The following RGMA variants were observed in gnomAD, a reference collection of about 807,000 sequenced individuals.
RGMA encodes the protein repulsive guidance molecule A.
Under a neutral mutation model 23.2 loss-of-function variants are expected in RGMA, and 10 were observed. The observed-to-expected ratio is 0.43, with a 90% CI of 0.27 to 0.73. The LOEUF is 0.73. Ranked by LOEUF, RGMA falls within the 30% of genes least tolerant of loss-of-function variation. RGMA has a pLI of 0.20. For missense variants in RGMA, 547 were observed against 630.5 expected (o/e 0.87, Z 1.42); for synonymous variants, 308 against 279.3 (o/e 1.10, Z -1.03).
chr15:93,086,270 T>C (rs1247810904), intron 1 of RGMA, among the ~76,000 whole-genome samples: 3 of 152,144 alleles, frequency 2.0e-5, no homozygotes, highest in Non-Finnish European at 2.9e-5. Context: ...CTGTAAGGAG[T>C]AGTGTCATTT....
intron 3 of RGMA, among the ~76,000 whole-genome samples, chr15:93,050,911 G>A (rs887015682): frequency 1.3e-5 from 2 of 152,196 alleles, no homozygotes; most frequent in African/African-American, 4.8e-5. Context: ...TCTCAGGAGG[G>A]CGGGTGGTGG....
At chr15:93,066,076 C>CG (rs1555450100) in intron 2 of RGMA, 3 of 1,518,754 alleles carry the variant, frequency 2.0e-6, no homozygotes, top group Non-Finnish European at 2.7e-6. Flanking sequence ...TGAGGGAGGC[C>CG]GGGGGATGAA....
In RGMA at chr15:93,045,034, G is replaced by C. The variant is rs4299103; in HGVS notation, c.1317C>G (p.Leu439=). 0.44 allele frequency: 705,918 copies of C among 1,597,044 alleles called. 158,632 individuals carry two copies. The highest frequency in any genetic ancestry group is 0.69 in the East Asian group (30,300 of 44,232). The change falls in exon 4 of 4, where the codon CTC becomes CTG. Residue 439 remains leucine (L), a synonymous_variant. Transcript: ENST00000329082. The surrounding 1 kb of genome is among the most constrained non-coding windows in gnomAD (Gnocchi z 6.9). ...PLAPRPLLGA[L]VPLLALLPVF... is the part of the protein sequence containing the mutation. ...CAGGGAGCAGGGCCAGGAGCGGGACGAGGGCGCCCAGGAGGGGCCGGGGGG... is the reference window on the plus strand; with the variant it reads ...CAGGGAGCAGGGCCAGGAGCGGGACCAGGGCGCCCAGGAGGGGCCGGGGGG...
intron 2 of RGMA, among the ~76,000 whole-genome samples, chr15:93,058,415 A>G (rs2055048443): frequency 6.6e-6 from 1 of 152,230 alleles, no homozygotes; most frequent in South Asian, 2.1e-4. Context: ...AAGGGACTGC[A>G]GGCACTGATG....
In RGMA at chr15:93,039,163, C is replaced by A. The variant is rs2054695103; in HGVS notation, c.*5835G>T. On this transcript the variant is annotated 3_prime_UTR_variant, in exon 4 of 4. Transcript: ENST00000329082. ...CTCAAACATTGGACTCCAAGTTCTT[C>A]AGCTTTTGGACTCTTGGACTTACAC... 6.6e-6 allele frequency: 1 copy of A among 152,190 alleles called. No homozygotes were observed. Among genetic ancestry groups the A allele is most frequent in the African/African-American group, 2.4e-5 (1 of 41,436 alleles). 9.4% of individuals were successfully genotyped at this position (152,190 alleles called of 1,614,324 possible).
intron 1 of RGMA, chr15:93,073,688 A>G (rs1799535454): frequency 2.0e-6 from 3 of 1,537,226 alleles, no homozygotes; most frequent in Non-Finnish European, 2.6e-6. Context: ...TCTGGGCAGG[A>G]TGGCTCTCTG....
intron 3 of RGMA, among the ~76,000 whole-genome samples, chr15:93,049,546 G>C (rs1003414812): frequency 6.6e-6 from 1 of 152,212 alleles, no homozygotes; most frequent in African/African-American, 2.4e-5. Flanking sequence ...TGTCCACGTA[G>C]AAAACACTAG....
chr15:93,049,434 T>C (rs1283492453), intron 3 of RGMA, among the ~76,000 whole-genome samples: 1 of 152,150 alleles, frequency 6.6e-6, no homozygotes, highest in Non-Finnish European at 1.5e-5. Context: ...CTCAGTTTCT[T>C]TGTCTGTAAA....
Position 93,045,691 on chromosome 15 carries a change from G to A in RGMA, c.660C>T (p.Phe220=), listed in dbSNP as rs2054814278. 2.5e-6 allele frequency: 4 copies of A among 1,603,394 alleles called. No homozygotes were observed. The highest frequency in any genetic ancestry group is 3.4e-6 in the Non-Finnish European group (4 of 1,179,496). The change falls in exon 4 of 4, where the codon TTC becomes TTT. Residue 220 remains phenylalanine (F), a synonymous_variant. Transcript: ENST00000329082. This position sits in a 1 kb window ranked among gnomAD's most constrained non-coding sequence, Gnocchi z 6.9. The part of the protein sequence containing the change: ...ATATSKLTII[F]KNFQECVDQK... ...GGTCCACACACTCCTGGAAGTTCTT[G>A]AAGATGATGGTGAGCTGCCGGGGAA...
chr15:93,088,502 G>A (rs1016237648), intron 1 of RGMA: 1 of 993,302 alleles, frequency 1.0e-6, no homozygotes, highest in African/African-American at 1.7e-5. Context: ...AGGCAGCTCC[G>A]CAGCCGGGCG....
rs1218621882 is a variant in RGMA at position 93,044,727 on chromosome 15, C to T, written c.*271G>A. The T allele has an allele frequency of 1.0e-5, 5 of 496,486 alleles. No individual in the cohort carries two copies. Among genetic ancestry groups the T allele is most frequent in the Non-Finnish European group, 1.4e-5 (4 of 279,070 alleles). 30.8% of individuals were successfully genotyped at this position (496,486 alleles called of 1,614,324 possible). On this transcript the variant is annotated 3_prime_UTR_variant, in exon 4 of 4. Transcript: ENST00000329082. The stretch of plus-strand genomic sequence containing the variant: ...GGGGCTTCAGCCTGAGGGGATGTTT[C>T]ACACATTCACACTGCAGGGGCGGGG...
chr15:93,074,117 T>C, intron 1 of RGMA: 1 of 848,112 alleles, frequency 1.2e-6, no homozygotes, highest in Non-Finnish European at 1.5e-6. Flanking sequence ...AGAGACATCT[T>C]TTGGATGAAA....
At chr15:93,055,375 T>C (rs952518531) in intron 2 of RGMA, among the ~76,000 whole-genome samples, 5 of 152,142 alleles carry the variant, frequency 3.3e-5, no homozygotes, top group African/African-American at 7.2e-5. Context: ...AAGTCCCAGC[T>C]GGCTGGCTCC....
At chr15:93,051,067 T>C (rs760022439) in intron 3 of RGMA, among the ~76,000 whole-genome samples, 1 of 152,096 alleles carries the variant, frequency 6.6e-6, no homozygotes, top group Non-Finnish European at 1.5e-5. Flanking sequence ...AAGGGCCCGC[T>C]TGGGAATCCA....
chr15:93,043,397 C>CAACA lies in RGMA; in HGVS notation c.*1597_*1600dup, dbSNP rs1308430134. On this transcript the variant is annotated 3_prime_UTR_variant, in exon 4 of 4. Transcript: ENST00000329082. ...CAAAGTCTGTTCAGAAAACAAACTC[C>CAACA]AACACGTCTAAAAGAAAATAACAAA... is the stretch of plus-strand genomic sequence containing the variant. 1 of 152,508 alleles carries CAACA rather than the reference C, an allele frequency of 6.6e-6. No homozygotes were observed. The highest frequency in any genetic ancestry group is 1.5e-5 in the Non-Finnish European group (1 of 68,056). The allele number at this position is 152,508 out of a possible 1,614,324, so 9.4% of individuals were successfully genotyped here. A position where few individuals can be genotyped will look rare whatever the true frequency, so the allele number is the denominator to read the frequency against.
chr15:93,045,752 G>A lies in RGMA; in HGVS notation c.646-47C>T, dbSNP rs765534535. On this transcript the variant is annotated intron_variant, in intron 3 of 3. Transcript: ENST00000329082. The surrounding 1 kb of genome is among the most constrained non-coding windows in gnomAD (Gnocchi z 6.9). ...GAGAGTGGGTGAGGCACAGTGGGAGGAGGCACAGCCCCACACTTAAGATGC... is the reference window on the plus strand; with the variant it reads ...GAGAGTGGGTGAGGCACAGTGGGAGAAGGCACAGCCCCACACTTAAGATGC... The A allele has an allele frequency of 2.9e-6, 4 of 1,384,250 alleles. No homozygotes were observed. In the East Asian group the frequency reaches 9.1e-5, roughly 32 times the overall value. 85.7% of individuals were successfully genotyped at this position (1,384,250 alleles called of 1,614,324 possible). A position where few individuals can be genotyped will look rare whatever the true frequency, so the allele number is the denominator to read the frequency against.
rs117288900 is a variant in RGMA, at chr15:93,068,140, T to C, written c.130+4776A>G. Among the ~76,000 whole-genome samples, 897 of 152,100 alleles carry C rather than the reference T, an allele frequency of 5.9e-3. 5 individuals carry two copies. The highest frequency in any genetic ancestry group is 0.011 in the Non-Finnish European group (720 of 68,014). On this transcript the variant is annotated intron_variant, in intron 2 of 3. Coordinates refer to ENST00000329082, the MANE Select transcript of RGMA (RefSeq NM_020211.3). Reference sequence around the variant, plus strand: ...GGGACTGAGGATAGTTCTCAGGACATATAGATTCCAGTTTTAAAACTAGGA... The same window carrying C: ...GGGACTGAGGATAGTTCTCAGGACACATAGATTCCAGTTTTAAAACTAGGA...
At position 93,072,992 on chromosome 15, in the gene RGMA, A is replaced by G; in HGVS notation, c.54T>C (p.Gly18=). ...CTGAACGTCCTGCCCCTCTCCCCAT[A>G]CCCATCCATCCAGCTCGGCCTGTTA... ...LVVTGRAGWM[G]MGRGAGRSAL... is the part of the protein sequence containing the mutation. Residue 18 remains glycine (G), a synonymous_variant, in exon 2 of 4, where the codon GGT becomes GGC. Coordinates refer to ENST00000329082, the MANE Select transcript of RGMA (RefSeq NM_020211.3). 1 of 1,610,360 alleles carries G rather than the reference A, an allele frequency of 6.2e-7. No homozygotes were observed. Among genetic ancestry groups the G allele is most frequent in the Non-Finnish European group, 8.5e-7 (1 of 1,178,656 alleles).
intron 3 of RGMA, among the ~76,000 whole-genome samples, chr15:93,047,458 C>G (rs555514636): frequency 6.6e-6 from 1 of 152,284 alleles, no homozygotes; most frequent in Non-Finnish European, 1.5e-5. Flanking sequence ...GCACCCAGGC[C>G]TTTTGGGACC....
Sources: gnomAD v4.1 joint callset for allele counts (sites outside exome capture counted in the v4.1 genomes callset) on GRCh38, gnomAD v4.1.1 for gene constraint, Gnocchi (gnomAD v3.1) non-coding constraint, MANE v1.5 for transcripts, NCBI Gene and HGNC (gene_info 2026-07-23, HGNC 2026-07-21) for gene names.